LMX1A: variants seen among roughly 807,000 people sequenced by gnomAD.
The protein encoded by LMX1A is LIM homeobox transcription factor 1 alpha.
Under a neutral mutation model 49.1 loss-of-function variants are expected in LMX1A, and 15 were observed. The observed-to-expected ratio is 0.31, with a 90% CI of 0.20 to 0.47. LMX1A has a LOEUF of 0.47. Among genes scored for constraint, LMX1A ranks in the 20% least tolerant of loss-of-function variants. The pLI, the probability that LMX1A is intolerant of heterozygous loss-of-function variation, is 1.00. For missense variants in LMX1A, 372 were observed against 475.8 expected (o/e 0.78, Z 2.03); for synonymous variants, 167 against 185.7 (o/e 0.90, Z 0.82).
At chr1:165,267,654 G>C (rs920596796) in intron 3 of LMX1A, among the ~76,000 whole-genome samples, 1 of 152,192 alleles carries the variant, frequency 6.6e-6, no homozygotes, top group Admixed American at 6.5e-5. Context: ...CCCCAGGTAA[G>C]AGATGACAGA....
chr1:165,215,366 T>C (rs1245572398), intron 4 of LMX1A, among the ~76,000 whole-genome samples: 2 of 152,152 alleles, frequency 1.3e-5, no homozygotes, highest in Admixed American at 6.5e-5. Context: ...GCCCAAATGA[T>C]CTAACAAGAA....
intron 5 of LMX1A, chr1:165,212,863 A>C (rs542012558): frequency 6.6e-6 from 1 of 152,246 alleles, no homozygotes; most frequent in Non-Finnish European, 1.5e-5. Context: ...ACAGGACTAC[A>C]TTCTGGCCAA....
intron 3 of LMX1A, among the ~76,000 whole-genome samples, chr1:165,254,094 C>T (rs183154369): frequency 1.3e-5 from 2 of 152,290 alleles, no homozygotes; most frequent in South Asian, 2.1e-4. Context: ...CTGGAATTAA[C>T]TGTTAAACAG....
chr1:165,241,741 T>G (rs2102629957), intron 4 of LMX1A, among the ~76,000 whole-genome samples: 1 of 152,238 alleles, frequency 6.6e-6, no homozygotes, highest in South Asian at 2.1e-4. Context: ...GCTTCTCTAG[T>G]CTAATTTATT....
At chr1:165,261,098 A>G (rs1211693045) in intron 3 of LMX1A, among the ~76,000 whole-genome samples, 1 of 152,224 alleles carries the variant, frequency 6.6e-6, no homozygotes, top group Non-Finnish European at 1.5e-5. Flanking sequence ...ACAGAAGCTC[A>G]GGGTCCTGAA....
chr1:165,209,353 AC>A, intron 6 of LMX1A, among the ~76,000 whole-genome samples: 1 of 152,276 alleles, frequency 6.6e-6, no homozygotes, highest in East Asian at 1.9e-4. Context: ...CCAGAGTGAT[AC>A]CTATGTGAAT....
In LMX1A at chr1:165,335,791, C is replaced by T. The variant is rs553591911; in HGVS notation, c.263+17285G>A. On this transcript the variant is annotated intron_variant, in intron 3 of 8. Transcript: ENST00000342310. ...ATTTGAAGCTCCAAACCAAGTATTT[C>T]TTGTTCTTGATTTTTTTTCTTGAAT... Among the ~76,000 whole-genome samples the T allele has an allele frequency of 1.7e-4, 26 of 152,020 alleles. No homozygotes were observed. The South Asian group carries it at 3.7e-3, about 22-fold the overall frequency.
intron 3 of LMX1A, among the ~76,000 whole-genome samples, chr1:165,336,683 G>T (rs1655907901): frequency 6.6e-6 from 1 of 152,092 alleles, no homozygotes; most frequent in South Asian, 2.1e-4. Context: ...CACACACCCA[G>T]CTCAGGGGGA....
intron 3 of LMX1A, among the ~76,000 whole-genome samples, chr1:165,335,365 T>C (rs553305475): frequency 8.5e-5 from 13 of 152,264 alleles, no homozygotes; most frequent in South Asian, 2.1e-4. Context: ...AAAATGTGAG[T>C]GTATGTCCAT....
chr1:165,207,942 G>A (rs1651162258), intron 7 of LMX1A, 121 bp downstream of exon 7: 4 of 751,380 alleles, frequency 5.3e-6, no homozygotes, highest in African/African-American at 3.5e-5. Flanking sequence ...TTTCTCCAGT[G>A]GGTGTGGTCT....
chr1:165,282,111 G>A (rs902280442), intron 3 of LMX1A, among the ~76,000 whole-genome samples: 1 of 152,104 alleles, frequency 6.6e-6, no homozygotes, highest in African/African-American at 2.4e-5. Context: ...CCAGATTTGT[G>A]TTTCTTCCTT....
intron 4 of LMX1A, among the ~76,000 whole-genome samples, chr1:165,238,648 A>G (rs112872204): frequency 0.01 from 1,532 of 152,306 alleles, 37 homozygotes; most frequent in African/African-American, 0.035. Flanking sequence ...CGCTTTAATT[A>G]TATATGAAAA....
chr1:165,306,751 A>G (rs1432761364), intron 3 of LMX1A, among the ~76,000 whole-genome samples: 1 of 152,194 alleles, frequency 6.6e-6, no homozygotes, highest in Non-Finnish European at 1.5e-5. Flanking sequence ...ACACCACAAT[A>G]TATCCAGAAT....
intron 3 of LMX1A, among the ~76,000 whole-genome samples, chr1:165,338,842 G>A (rs1488420840): frequency 6.6e-6 from 1 of 152,182 alleles, no homozygotes; most frequent in Non-Finnish European, 1.5e-5. Flanking sequence ...TAAGCTCAGA[G>A]GTCTGGCCCC....
At chr1:165,236,777 TAA>T (rs148213408) in intron 4 of LMX1A, among the ~76,000 whole-genome samples, 141,185 of 144,546 alleles carry the variant, frequency 0.98, 68,994 homozygotes, top group Middle Eastern at 1. Flanking sequence ...TAGGAAGCTT[TAA>T]AAAAAAAAAA....
chr1:165,292,399 G>A (rs1571205791), intron 3 of LMX1A, among the ~76,000 whole-genome samples: 2 of 152,224 alleles, frequency 1.3e-5, no homozygotes, highest in Non-Finnish European at 2.9e-5. Context: ...TCCGGAAAGT[G>A]AGTCAGAAGT....
At chr1:165,253,245 T>A (rs1420888229) in intron 3 of LMX1A, among the ~76,000 whole-genome samples, 3 of 152,116 alleles carry the variant, frequency 2.0e-5, no homozygotes, top group Non-Finnish European at 4.4e-5. Flanking sequence ...GGAAACAGGA[T>A]AAAAGAACAA....
chr1:165,239,054 A>G (rs1169007328), intron 4 of LMX1A, among the ~76,000 whole-genome samples: 1 of 98,670 alleles, frequency 1.0e-5, no homozygotes, highest in Non-Finnish European at 2.0e-5. Flanking sequence ...TGACATCATT[A>G]TCATCATCAT....
intron 3 of LMX1A, among the ~76,000 whole-genome samples, chr1:165,265,540 C>T (rs1653596071): frequency 6.6e-6 from 1 of 152,186 alleles, no homozygotes; most frequent in African/African-American, 2.4e-5. Flanking sequence ...TTCTCTGGCA[C>T]TCAAAAGCGA....
Sources: gnomAD v4.1 joint callset for allele counts (sites outside exome capture counted in the v4.1 genomes callset) on GRCh38, gnomAD v4.1.1 for gene constraint, MANE v1.5 for transcripts, NCBI Gene and HGNC (gene_info 2026-07-23, HGNC 2026-07-21) for gene names.